Variants in CCDC57 observed in about 807,000 individuals in gnomAD.
CCDC57 encodes the protein coiled-coil domain-containing protein 57.
Under a neutral mutation model 118.9 loss-of-function variants are expected in CCDC57, and 118 were observed. The ratio of observed to expected loss-of-function variants is 0.99; its 90% CI spans 0.86 to 1.16. The LOEUF (loss-of-function observed/expected upper bound fraction) is 1.16, where lower values mean the gene tolerates loss of function less well. Among genes scored for constraint, CCDC57 ranks in the 50% most tolerant of loss-of-function variants. CCDC57 has a pLI of 0.00. For synonymous variants in CCDC57, 527 were observed against 532.9 expected, an observed-to-expected ratio of 0.99 and a Z score of 0.15; for missense variants, 1,300 against 1,320.7, an observed-to-expected ratio of 0.98 and a Z score of 0.24.
rs1429944894 is a variant in CCDC57, at chr17:82,212,651, C to T, written c.-211+134G>A. 1.3e-5 allele frequency: 2 copies of T among 152,048 alleles called. No individual in the cohort carries two copies. The highest frequency in any genetic ancestry group is 4.8e-5 in the African/African-American group (2 of 41,402). 9.4% of individuals were successfully genotyped at this position (152,048 alleles called of 1,614,324 possible). ...GGCCTGGCCGAGCTCTGAGGGTCGA[C>T]CTCGCGCTCCAGGTCCCCACCAAAG... On this transcript the variant is annotated intron_variant, in intron 1 of 19. Coordinates refer to ENST00000665763, the Ensembl canonical transcript of CCDC57. The surrounding 1 kb of genome is among the most constrained non-coding windows in gnomAD (Gnocchi z 4.1).
chr17:82,149,305 G>C (rs1156425939), intron 16 of CCDC57, among the ~76,000 whole-genome samples: 1 of 151,826 alleles, frequency 6.6e-6, no homozygotes, highest in Non-Finnish European at 1.5e-5. Flanking sequence ...TGGTTGGATA[G>C]ATGGATGGAT....
At chr17:82,105,845 G>A (rs962302052) in intron 19 of CCDC57, among the ~76,000 whole-genome samples, 1 of 152,198 alleles carries the variant, frequency 6.6e-6, no homozygotes, top group African/African-American at 2.4e-5. Flanking sequence ...CACAAGAGGG[G>A]AGGGTACTGG....
At position 82,184,000 on chromosome 17, in the gene CCDC57, C is replaced by T. The variant is rs562052046; in HGVS notation, c.1053-68G>A. The T allele has an allele frequency of 4.2e-5, 58 of 1,389,086 alleles. No homozygotes were observed. The African/African-American group carries it at 5.2e-4, about 12-fold the overall frequency. The allele number at this position is 1,389,086 out of a possible 1,614,324, so 86.0% of individuals were successfully genotyped here. The stretch of plus-strand genomic sequence containing the variant: ...CTAAAGTTGTCTCTTACACAGCACC[C>T]CCCAGCAAATACACATGCGCGCGCG... On this transcript the variant is annotated intron_variant, in intron 8 of 19. Transcript: ENST00000665763.
At chr17:82,175,434 CT>C (rs2045343343) in intron 11 of CCDC57, 1 of 152,308 alleles carries the variant, frequency 6.6e-6, no homozygotes, top group African/African-American at 2.4e-5. Flanking sequence ...CTGGGAACTG[CT>C]CAGGGCAAAC....
At chr17:82,210,447 G>A (rs1401366349) in intron 1 of CCDC57, among the ~76,000 whole-genome samples, 1 of 151,702 alleles carries the variant, frequency 6.6e-6, no homozygotes, top group East Asian at 1.9e-4. Context: ...CAAGGCGGGC[G>A]GATCACTTGG....
intron 16 of CCDC57, among the ~76,000 whole-genome samples, chr17:82,144,976 T>C (rs1280257670): frequency 6.6e-6 from 1 of 151,714 alleles, no homozygotes; most frequent in East Asian, 1.9e-4. Context: ...TCCTTTTACC[T>C]ATTTAGATTG....
At chr17:82,190,512 A>G (rs2047536167) in intron 7 of CCDC57, among the ~76,000 whole-genome samples, 1 of 152,080 alleles carries the variant, frequency 6.6e-6, no homozygotes, top group Admixed American at 6.6e-5. Context: ...CCTGGCCAGC[A>G]TGGCAAACTC....
intron 19 of CCDC57, among the ~76,000 whole-genome samples, chr17:82,117,366 G>C (rs1440379952): frequency 6.6e-6 from 1 of 151,526 alleles, no homozygotes; most frequent in African/African-American, 2.4e-5. Flanking sequence ...AGGCAAATTA[G>C]GCCAGGTGCT....
intron 17 of CCDC57, among the ~76,000 whole-genome samples, chr17:82,133,155 G>C (rs1368008568): frequency 6.6e-6 from 1 of 152,068 alleles, no homozygotes; most frequent in East Asian, 1.9e-4. Flanking sequence ...CAGATCGCTT[G>C]AGCCCAGGAG....
intron 8 of CCDC57, among the ~76,000 whole-genome samples, chr17:82,186,852 G>A (rs2046985648): frequency 6.6e-6 from 1 of 152,096 alleles, no homozygotes; most frequent in African/African-American, 2.4e-5. Context: ...TGAGGCGGGA[G>A]GATCACTTGA....
chr17:82,201,726 G>A (rs368493368), exon 3 of CCDC57: 8 of 1,613,950 alleles, frequency 5.0e-6, no homozygotes, highest in Non-Finnish European at 5.9e-6. Context: ...CGGCGTCATA[G>A]CGCTCCAGCT....
chr17:82,161,182 T>G (rs569856864), intron 14 of CCDC57, among the ~76,000 whole-genome samples: 1 of 152,230 alleles, frequency 6.6e-6, no homozygotes, highest in South Asian at 2.1e-4. Context: ...CCAGGATGCC[T>G]AGCATCACAG....
At chr17:82,209,355 T>C (rs1010155894) in intron 1 of CCDC57, among the ~76,000 whole-genome samples, 6 of 152,240 alleles carry the variant, frequency 3.9e-5, no homozygotes, top group African/African-American at 1.4e-4. Context: ...ACATGTTTCA[T>C]GTGCCAAAAA....
intron 19 of CCDC57, among the ~76,000 whole-genome samples, chr17:82,123,136 T>C (rs2036951627): frequency 1.4e-5 from 2 of 147,434 alleles, no homozygotes; most frequent in South Asian, 4.4e-4. Context: ...TTTTTTTTTT[T>C]TTTTTTTGTA....
chr17:82,153,019 G>A (rs560012361), intron 15 of CCDC57, among the ~76,000 whole-genome samples: 13 of 152,324 alleles, frequency 8.5e-5, no homozygotes, highest in Middle Eastern at 3.4e-3. Flanking sequence ...ATGAAGGCTC[G>A]CCACAGGCCT....
rs1272795520 is a variant in CCDC57 at position 82,138,648 on chromosome 17, C to CGTGGCCTGCCCCGGGTCGG, written c.2456-4455_2456-4454insCCGACCCGGGGCAGGCCAC. Reference sequence around the variant, plus strand: ...GAAGACTGCCGAGTCGGAAGAGACGCATGGCCTGCCCCGGGTCGGAAGAGA... The same window carrying CGTGGCCTGCCCCGGGTCGG: ...GAAGACTGCCGAGTCGGAAGAGACGCGTGGCCTGCCCCGGGTCGGATGGCCTGCCCCGGGTCGGAAGAGA... On this transcript the variant is annotated intron_variant, in intron 16 of 19. Coordinates refer to ENST00000665763, the Ensembl canonical transcript of CCDC57. Among the ~76,000 whole-genome samples the CGTGGCCTGCCCCGGGTCGG allele has an allele frequency of 3.9e-4, 58 of 147,878 alleles. 3 individuals are homozygous for CGTGGCCTGCCCCGGGTCGG. The highest frequency in any genetic ancestry group is 3.1e-3 in the East Asian group (16 of 5,146).
chr17:82,203,032 TTGTGG>T (rs2146934631), intron 2 of CCDC57, among the ~76,000 whole-genome samples: 1 of 152,320 alleles, frequency 6.6e-6, no homozygotes, highest in East Asian at 1.9e-4. Flanking sequence ...GCCCAAACCT[TTGTGG>T]AATTGTAATC....
At chr17:82,140,075 A>T (rs2039810745) in intron 16 of CCDC57, among the ~76,000 whole-genome samples, 1 of 152,048 alleles carries the variant, frequency 6.6e-6, no homozygotes, top group Admixed American at 6.6e-5. Context: ...TTTGTAAGTG[A>T]TACCTTGTTT....
At chr17:82,168,866 C>T (rs547784540) in intron 13 of CCDC57, among the ~76,000 whole-genome samples, 5 of 151,182 alleles carry the variant, frequency 3.3e-5, no homozygotes, top group Admixed American at 6.6e-5. Context: ...AACAAAGAAT[C>T]GTGATTTAAA....
Sources: allele counts gnomAD v4.1 joint callset (sites outside exome capture counted in the v4.1 genomes callset), GRCh38; gene constraint gnomAD v4.1.1; non-coding constraint Gnocchi (gnomAD v3.1); transcripts MANE v1.5; gene names NCBI Gene and HGNC (gene_info 2026-07-23, HGNC 2026-07-21).